The following PDE1C variants were observed in gnomAD, a reference collection of about 807,000 sequenced individuals.
PDE1C encodes the protein dual specificity calcium/calmodulin-dependent 3',5'-cyclic nucleotide phosphodiesterase 1C.
Under a neutral mutation model 93.1 loss-of-function variants are expected in PDE1C, and 62 were observed. That is an observed-to-expected ratio of 0.67 (90% confidence interval 0.54 to 0.82). The LOEUF is 0.82. PDE1C is among the 40% of genes least tolerant of loss of function. The pLI, the probability that PDE1C is intolerant of heterozygous loss-of-function variation, is 0.00. For missense variants in PDE1C, 742 were observed against 884.6 expected (o/e 0.84, Z 2.04); for synonymous variants, 325 against 310.1 (o/e 1.05, Z -0.50).
intron 1 of PDE1C, among the ~76,000 whole-genome samples, chr7:32,324,419 GC>G (rs1562674336): frequency 6.6e-6 from 1 of 152,142 alleles, no homozygotes; most frequent in African/African-American, 2.4e-5. Context: ...CTAGCAACAA[GC>G]TTTGTTTTCC....
chr7:32,182,235 G>C (rs893075009), intron 2 of PDE1C, among the ~76,000 whole-genome samples: 1 of 152,190 alleles, frequency 6.6e-6, no homozygotes, highest in African/African-American at 2.4e-5. Flanking sequence ...GGAGGAGCTG[G>C]TACCATTCCT....
At chr7:31,851,990 C>T (rs1562921254) in intron 7 of PDE1C, among the ~76,000 whole-genome samples, 1 of 152,114 alleles carries the variant, frequency 6.6e-6, no homozygotes. Context: ...ATGTGAGTAT[C>T]CAAACTGGTG....
At chr7:32,353,408 GAT>G (rs1395267595) in intron 1 of PDE1C, among the ~76,000 whole-genome samples, 1 of 10,172 alleles carries the variant, frequency 9.8e-5, no homozygotes, top group Non-Finnish European at 1.3e-3. Context: ...AGTATTCTCT[GAT>G]GGTAGTTTGT....
intron 17 of PDE1C, 45 bp downstream of exon 17, chr7:31,775,619 A>T (rs756161243): frequency 6.5e-7 from 1 of 1,531,222 alleles, no homozygotes; most frequent in Non-Finnish European, 9.0e-7. Flanking sequence ...AGGCCTTTCC[A>T]TTGTCTGTGG....
At chr7:32,002,306 A>G (rs763267471) in intron 2 of PDE1C, among the ~76,000 whole-genome samples, 9 of 152,206 alleles carry the variant, frequency 5.9e-5, no homozygotes, top group Non-Finnish European at 1.3e-4. Context: ...ATAAATATCT[A>G]CAGGGAGCAC....
chr7:32,241,562 T>C (rs1161733829), intron 1 of PDE1C, among the ~76,000 whole-genome samples: 1 of 152,142 alleles, frequency 6.6e-6, no homozygotes, highest in Non-Finnish European at 1.5e-5. Flanking sequence ...AAAAAAATTA[T>C]GTTAAGAAAT....
chr7:31,674,768 A>G, the PDE1C span, among the ~76,000 whole-genome samples: 1 of 152,212 alleles, frequency 6.6e-6, no homozygotes, highest in African/African-American at 2.4e-5. Flanking sequence ...GTAATGCCAA[A>G]TGACTTAAAT....
chr7:31,692,859 A>G, the PDE1C span, among the ~76,000 whole-genome samples: 1 of 152,230 alleles, frequency 6.6e-6, no homozygotes, highest in Non-Finnish European at 1.5e-5. Flanking sequence ...GCTTGTTTCC[A>G]GTATTTCCTG....
At chr7:31,825,045 C>G in intron 12 of PDE1C, 58 bp from the exon 13 acceptor site, 1 of 1,603,180 alleles carries the variant, frequency 6.2e-7, no homozygotes, top group Non-Finnish European at 8.5e-7. Flanking sequence ...CCTTTCCATA[C>G]TTTCCAGAAG....
At chr7:32,083,545 AT>A (rs1314967609) in intron 3 of PDE1C, among the ~76,000 whole-genome samples, 3 of 152,244 alleles carry the variant, frequency 2.0e-5, no homozygotes, top group African/African-American at 7.2e-5. Flanking sequence ...AAGACACATA[AT>A]TGTCAGATTC....
chr7:31,920,160 C>T (rs931801732), intron 2 of PDE1C, among the ~76,000 whole-genome samples: 2 of 152,156 alleles, frequency 1.3e-5, no homozygotes, highest in African/African-American at 4.8e-5. Context: ...CAACGTCCTA[C>T]CCATACACTG....
intron 17 of PDE1C, among the ~76,000 whole-genome samples, chr7:31,759,523 G>A (rs930776483): frequency 6.6e-6 from 1 of 152,122 alleles, no homozygotes; most frequent in African/African-American, 2.4e-5. Context: ...AAAAAAGTCT[G>A]GCCTCATCTC....
intron 2 of PDE1C, among the ~76,000 whole-genome samples, chr7:31,887,447 G>A (rs539182942): frequency 6.6e-6 from 1 of 152,180 alleles, no homozygotes; most frequent in South Asian, 2.1e-4. Flanking sequence ...TAAATTACTG[G>A]ACTCCAGTTA....
At chr7:32,162,336 G>A (rs780680833) in intron 3 of PDE1C, among the ~76,000 whole-genome samples, 3 of 152,136 alleles carry the variant, frequency 2.0e-5, no homozygotes, top group East Asian at 1.9e-4. Flanking sequence ...TATGCCCCCC[G>A]TGCCAAGCTA....
intron 1 of PDE1C, among the ~76,000 whole-genome samples, chr7:32,277,752 C>T (rs1811373214): frequency 6.6e-6 from 1 of 152,200 alleles, no homozygotes; most frequent in Non-Finnish European, 1.5e-5. Flanking sequence ...TCTATCTCCA[C>T]CTCTTCCAAA....
At chr7:32,135,738 T>C (rs1435217186) in intron 3 of PDE1C, among the ~76,000 whole-genome samples, 1 of 152,156 alleles carries the variant, frequency 6.6e-6, no homozygotes, top group Non-Finnish European at 1.5e-5. Context: ...AACTACCACA[T>C]AACCCAGCAA....
At chr7:32,325,642 T>C (rs1438706474) in intron 1 of PDE1C, among the ~76,000 whole-genome samples, 1 of 152,212 alleles carries the variant, frequency 6.6e-6, no homozygotes, top group East Asian at 1.9e-4. Context: ...CCTAAGCACC[T>C]AGAAAAGCAC....
At chr7:32,336,354 A>C (rs1783624699) in intron 1 of PDE1C, among the ~76,000 whole-genome samples, 1 of 152,188 alleles carries the variant, frequency 6.6e-6, no homozygotes, top group Non-Finnish European at 1.5e-5. Context: ...CAGCATCTCC[A>C]CTTTAATCCA....
At chr7:32,235,151 T>C (rs1807982638) in intron 1 of PDE1C, among the ~76,000 whole-genome samples, 1 of 152,004 alleles carries the variant, frequency 6.6e-6, no homozygotes, top group South Asian at 2.1e-4. Flanking sequence ...AAAATCATAC[T>C]TAAAGAGTGA....
Sources: allele counts gnomAD v4.1 joint callset (sites outside exome capture counted in the v4.1 genomes callset), GRCh38; gene constraint gnomAD v4.1.1; transcripts MANE v1.5; gene names NCBI Gene and HGNC (gene_info 2026-07-23, HGNC 2026-07-21).